Variants in TBX21 observed in about 807,000 individuals in gnomAD.
The protein encoded by TBX21 is T-box transcription factor 21.
In TBX21, 11 loss-of-function variants were observed where a neutral mutation model predicts 52.2. The ratio of observed to expected loss-of-function variants is 0.21; its 90% CI spans 0.13 to 0.35. TBX21 has a LOEUF of 0.35. TBX21 is among the 10% of genes least tolerant of loss of function. TBX21 has a pLI of 1.00. For synonymous variants in TBX21, 300 were observed against 316.1 expected, an observed-to-expected ratio of 0.95 and a Z score of 0.54; for missense variants, 625 against 755.1, an observed-to-expected ratio of 0.83 and a Z score of 2.02.
intron 1 of TBX21, among the ~76,000 whole-genome samples, chr17:47,734,554 G>GGGGTGT (rs1169549714): frequency 9.7e-6 from 1 of 102,938 alleles, no homozygotes; most frequent in Admixed American, 1.0e-4. Context: ...TCATATGTCT[G>GGGGTGT]GTGTGTGTGT....
At chr17:47,738,219 G>A (rs1425834483) in intron 1 of TBX21, among the ~76,000 whole-genome samples, 1 of 152,178 alleles carries the variant, frequency 6.6e-6, no homozygotes, top group African/African-American at 2.4e-5. Context: ...GTGCAGTGGT[G>A]CGATTATGGC....
At chr17:47,734,099 A>C (rs866004462) in intron 1 of TBX21, among the ~76,000 whole-genome samples, 154 bp downstream of exon 1, 2 of 152,234 alleles carry the variant, frequency 1.3e-5, no homozygotes, top group East Asian at 3.9e-4. Flanking sequence ...TGTTAGGAGG[A>C]CAGGGAAAGC....
At position 47,744,807 on chromosome 17, in the gene TBX21, T is replaced by C. The variant is rs571793218; in HGVS notation, c.1049T>C (p.Leu350Pro). Residue 350 changes from leucine (L) to proline (P), a missense_variant, in exon 6 of 6, where the codon CTT becomes CCT. Physicochemically the swap from Leu to Pro is moderately conservative, Grantham distance 98. Around this residue, in one of 4 missense-constraint regions of TBX21, gnomAD observed 261 missense variants for 275.1 expected, o/e 0.95. Coordinates refer to ENST00000177694, the MANE Select transcript of TBX21 (RefSeq NM_013351.2). ...CCGCCTGGACCCAACTGTCAATTCC[T>C]TGGGGGAGATCACTACTCTCCTCTC... The part of the protein sequence containing the change: ...PSPPGPNCQF[L>P]GGDHYSPLLP... 3.1e-6 allele frequency: 5 copies of C among 1,614,140 alleles called. No homozygotes were observed. Among genetic ancestry groups the C allele is most frequent in the African/African-American group, 1.3e-5 (1 of 75,044 alleles).
At chr17:47,740,829 G>A (rs933677258) in intron 1 of TBX21, among the ~76,000 whole-genome samples, 1 of 152,190 alleles carries the variant, frequency 6.6e-6, no homozygotes, top group Non-Finnish European at 1.5e-5. Flanking sequence ...AGACAGGCGT[G>A]TGACAGCACC....
chr17:47,739,665 A>C (rs1669442891), intron 1 of TBX21, among the ~76,000 whole-genome samples: 1 of 152,000 alleles, frequency 6.6e-6, no homozygotes, highest in Non-Finnish European at 1.5e-5. Flanking sequence ...AGGCTGAGGC[A>C]GGAGAATAAT....
Position 47,733,278 on chromosome 17 carries a change from G to T in TBX21, c.-177G>T, listed in dbSNP as rs1270493022. 2 of 850,722 alleles carry T rather than the reference G, an allele frequency of 2.4e-6. No individual in the cohort carries two copies. The highest frequency in any genetic ancestry group is 4.3e-5 in the Admixed American group (1 of 23,108). The allele number at this position is 850,722 out of a possible 1,614,324, so 52.7% of individuals were successfully genotyped here. On this transcript the variant is annotated 5_prime_UTR_variant, in exon 1 of 6. Coordinates refer to ENST00000177694, the MANE Select transcript of TBX21 (RefSeq NM_013351.2). The surrounding 1 kb of genome is among the most constrained non-coding windows in gnomAD (Gnocchi z 6.6). ...GGAGAGGAAGCCCGAGAGCTGCCGC[G>T]CGCCTGCCGGACGAGGGCGTAGAAG...
chr17:47,733,765 C>G lies in TBX21; in HGVS notation c.311C>G (p.Pro104Arg), dbSNP rs1194520612. The change falls in exon 1 of 6, where the codon CCG becomes CGG. Residue 104 changes from proline (P) to arginine (R), a missense_variant. Pro to Arg is a moderately radical substitution (Grantham distance 103). Transcript: ENST00000177694. This position sits in a 1 kb window ranked among gnomAD's most constrained non-coding sequence, Gnocchi z 6.6. ...CCCGCGGACGCCGAGGGCTACCAGC[C>G]GGGCGAGGGCTACGCCGCCCCGGAC... ...PPPADAEGYQ[P>R]GEGYAAPDPR... 3 of 1,489,462 alleles carry G rather than the reference C, an allele frequency of 2.0e-6. No individual in the cohort carries two copies. The highest frequency in any genetic ancestry group is 1.9e-4 in the Middle Eastern group (1 of 5,326). 92.3% of individuals were successfully genotyped at this position (1,489,462 alleles called of 1,614,324 possible). A position where few individuals can be genotyped will look rare whatever the true frequency, so the allele number is the denominator to read the frequency against.
intron 1 of TBX21, among the ~76,000 whole-genome samples, chr17:47,739,630 G>C (rs974846381): frequency 1.3e-5 from 2 of 151,950 alleles, no homozygotes; most frequent in Admixed American, 1.3e-4. Context: ...GTGGTGGCGG[G>C]CGCCTGTAGT....
intron 1 of TBX21, among the ~76,000 whole-genome samples, 174 bp downstream of exon 1, chr17:47,734,119 G>T (rs1221860832): frequency 6.6e-6 from 1 of 152,206 alleles, no homozygotes; most frequent in Non-Finnish European, 1.5e-5. Context: ...CTCCGGAGGG[G>T]CGTCTGTGCC....
At position 47,742,503 on chromosome 17, in the gene TBX21, G is replaced by C. The variant is rs750169915; in HGVS notation, c.492-107G>C. 2.2e-6 allele frequency: 3 copies of C among 1,352,646 alleles called. No individual in the cohort carries two copies. The highest frequency in any genetic ancestry group is 2.6e-5 in the East Asian group (1 of 38,402). 83.8% of individuals were successfully genotyped at this position (1,352,646 alleles called of 1,614,324 possible). A position where few individuals can be genotyped will look rare whatever the true frequency, so the allele number is the denominator to read the frequency against. The stretch of plus-strand genomic sequence containing the variant: ...CCTTCCAGCTGGTTCTTGTGAGTGG[G>C]AGGAAGCCGGCTACAGCACACCACT... On this transcript the variant is annotated intron_variant, in intron 1 of 5. Transcript: ENST00000177694. This position sits in a 1 kb window ranked among gnomAD's most constrained non-coding sequence, Gnocchi z 4.4.
Position 47,733,291 on chromosome 17 carries a change from G to A in TBX21, c.-164G>A, listed in dbSNP as rs2032159939. 1 of 986,366 alleles carries A rather than the reference G, an allele frequency of 1.0e-6. No homozygotes were observed. Among genetic ancestry groups the A allele is most frequent in the African/African-American group, 1.7e-5 (1 of 57,962 alleles). The allele number at this position is 986,366 out of a possible 1,614,324, so 61.1% of individuals were successfully genotyped here. A position where few individuals can be genotyped will look rare whatever the true frequency, so the allele number is the denominator to read the frequency against. On this transcript the variant is annotated 5_prime_UTR_variant, in exon 1 of 6. Transcript: ENST00000177694. This position sits in a 1 kb window ranked among gnomAD's most constrained non-coding sequence, Gnocchi z 6.6. ...GAGAGCTGCCGCGCGCCTGCCGGAC[G>A]AGGGCGTAGAAGCCAGGCGTCAGAG...
At chr17:47,743,587 AAGTGCC>A (rs1280624134) in intron 3 of TBX21, among the ~76,000 whole-genome samples, 1 of 152,106 alleles carries the variant, frequency 6.6e-6, no homozygotes, top group Non-Finnish European at 1.5e-5. Context: ...ATCCTGTTAA[AAGTGCC>A]CTTGCTGGCT....
In TBX21 at chr17:47,745,188, G is replaced by T; in HGVS notation, c.1430G>T (p.Trp477Leu). 1 of 1,614,230 alleles carries T rather than the reference G, an allele frequency of 6.2e-7. No homozygotes were observed. Among genetic ancestry groups the T allele is most frequent in the Non-Finnish European group, 8.5e-7 (1 of 1,180,038 alleles). ...GPEDQGPPLVWTEIAPIRPES... is the reference protein window; with the variant it reads ...GPEDQGPPLVLTEIAPIRPES... The stretch of plus-strand genomic sequence containing the variant: ...GAGGACCAGGGTCCCCCCTTGGTGT[G>T]GACTGAGATTGCCCCCATCCGGCCG... The change falls in exon 6 of 6, where the codon TGG (tryptophan) becomes TTG (leucine). Residue 477 changes from tryptophan (W) to leucine (L), a missense_variant. Around this residue, in one of 4 missense-constraint regions of TBX21, gnomAD observed 261 missense variants for 275.1 expected, o/e 0.95. Transcript: ENST00000177694.
Position 47,743,433 on chromosome 17 carries a change from G to A in TBX21, c.768+241G>A, listed in dbSNP as rs570866884. On this transcript the variant is annotated intron_variant, in intron 3 of 5. Coordinates refer to ENST00000177694, the MANE Select transcript of TBX21 (RefSeq NM_013351.2). ...TGGGATGAAGCTGAATCTTGGACGG[G>A]GGTCATATTCAGGCCACACAGGCCA... Among the ~76,000 whole-genome samples, 5 of 152,252 alleles carry A rather than the reference G, an allele frequency of 3.3e-5. No homozygotes were observed. In the East Asian group the frequency reaches 9.7e-4, roughly 29 times the overall value.
Position 47,745,457 on chromosome 17 carries a change from C to T in TBX21, c.*91C>T. On this transcript the variant is annotated 3_prime_UTR_variant, in exon 6 of 6. Transcript: ENST00000177694. The stretch of plus-strand genomic sequence containing the variant: ...AAACGGATGAAGGACTGAGAAGGCC[C>T]CCGCTCCCTCTGGCCCTTCTCTGTT... 6.7e-7 allele frequency: 1 copy of T among 1,490,504 alleles called. No homozygotes were observed. Among genetic ancestry groups the T allele is most frequent in the East Asian group, 2.3e-5 (1 of 43,982 alleles). The allele number at this position is 1,490,504 out of a possible 1,614,324, so 92.3% of individuals were successfully genotyped here.
In TBX21 at chr17:47,742,085, T is replaced by A. The variant is rs74686365; in HGVS notation, c.492-525T>A. Among the ~76,000 whole-genome samples, 3 of 151,824 alleles carry A rather than the reference T, an allele frequency of 2.0e-5. No individual in the cohort carries two copies. The highest frequency in any genetic ancestry group is 4.4e-5 in the Non-Finnish European group (3 of 67,944). ...TAGTTTTTACTCCTTTTTTTTTTTT[T>A]TGAGATGGAGACTTGCTCTTGTCAT... On this transcript the variant is annotated intron_variant, in intron 1 of 5. Coordinates refer to ENST00000177694, the MANE Select transcript of TBX21 (RefSeq NM_013351.2). The surrounding 1 kb of genome is among the most constrained non-coding windows in gnomAD (Gnocchi z 4.4).
chr17:47,739,693 C>T (rs377164332), intron 1 of TBX21, among the ~76,000 whole-genome samples: 9 of 151,226 alleles, frequency 6.0e-5, no homozygotes, highest in African/African-American at 1.7e-4. Context: ...ACCTTGGAGG[C>T]GGAGCTTGCA....
In TBX21 at chr17:47,743,295, TCTTCCTTCCTA is replaced by T; in HGVS notation, c.768+105_768+115del. 15 of 1,471,358 alleles carry T rather than the reference TCTTCCTTCCTA, an allele frequency of 1.0e-5. 1 individual carries two copies. The South Asian group carries it at 2.0e-4, about 19-fold the overall frequency. The allele number at this position is 1,471,358 out of a possible 1,614,324, so 91.1% of individuals were successfully genotyped here. On this transcript the variant is annotated intron_variant, in intron 3 of 5. Coordinates refer to ENST00000177694, the MANE Select transcript of TBX21 (RefSeq NM_013351.2). ...TGCGGGGCCAGTTTGGTTCATTTTT[TCTTCCTTCCTA>T]CAGGAAGGAAGGTTCGTTTTTCTTC...
At position 47,745,458 on chromosome 17, in the gene TBX21, C is replaced by T; in HGVS notation, c.*92C>T. 1.3e-6 allele frequency: 2 copies of T among 1,490,144 alleles called. No homozygotes were observed. The highest frequency in any genetic ancestry group is 8.9e-7 in the Non-Finnish European group (1 of 1,120,530). The allele number at this position is 1,490,144 out of a possible 1,614,324, so 92.3% of individuals were successfully genotyped here. A position where few individuals can be genotyped will look rare whatever the true frequency, so the allele number is the denominator to read the frequency against. Reference sequence around the variant, plus strand: ...AACGGATGAAGGACTGAGAAGGCCCCCGCTCCCTCTGGCCCTTCTCTGTTT... The same window carrying T: ...AACGGATGAAGGACTGAGAAGGCCCTCGCTCCCTCTGGCCCTTCTCTGTTT... On this transcript the variant is annotated 3_prime_UTR_variant, in exon 6 of 6. Transcript: ENST00000177694.
Sources: gnomAD v4.1 joint callset for allele counts (sites outside exome capture counted in the v4.1 genomes callset) on GRCh38, gnomAD v4.1.1 for gene constraint, gnomAD v4.1.1 regional missense constraint, Gnocchi (gnomAD v3.1) non-coding constraint, MANE v1.5 for transcripts, NCBI Gene and HGNC (gene_info 2026-07-23, HGNC 2026-07-21) for gene names.